Variants in A1CF observed in about 807,000 individuals in gnomAD.
A1CF encodes the protein APOBEC-1 stimulating protein.
Under a neutral mutation model 68.9 loss-of-function variants are expected in A1CF, and 48 were observed. The observed-to-expected ratio is 0.70, with a 90% CI of 0.55 to 0.89. The LOEUF (loss-of-function observed/expected upper bound fraction) is 0.89, where lower values mean the gene tolerates loss of function less well. Among genes scored for constraint, A1CF ranks in the 40% least tolerant of loss-of-function variants. The probability of loss-of-function intolerance (pLI) is 0.00; values close to 1 mark genes in which losing one functional copy is unlikely to be tolerated. For missense variants in A1CF, 653 were observed against 718.9 expected, an observed-to-expected ratio of 0.91 and a Z score of 1.05; for synonymous variants, 272 against 260.4, an observed-to-expected ratio of 1.04 and a Z score of -0.43.
chr10:50,864,953 CT>C (rs1457934630), intron 1 of A1CF, among the ~76,000 whole-genome samples: 2 of 152,074 alleles, frequency 1.3e-5, no homozygotes, highest in East Asian at 3.9e-4. Flanking sequence ...TCTTCTTCCA[CT>C]TTCACCCTAG....
rs1175750124 is a variant in A1CF at position 50,803,311 on chromosome 10, C to G, written c.*3418G>C. 6.6e-6 allele frequency: 1 copy of G among 152,366 alleles called. No individual in the cohort carries two copies. The highest frequency in any genetic ancestry group is 2.4e-5 in the African/African-American group (1 of 41,358). The allele number at this position is 152,366 out of a possible 1,614,324, so 9.4% of individuals were successfully genotyped here. A position where few individuals can be genotyped will look rare whatever the true frequency, so the allele number is the denominator to read the frequency against. On this transcript the variant is annotated 3_prime_UTR_variant, in exon 13 of 13. Transcript: ENST00000373997. ...AGAGGCGGAGTCTCTCCATGTTGCCCAGGCTGGTCTTGAACTCCTGGCCTC... is the reference window on the plus strand; with the variant it reads ...AGAGGCGGAGTCTCTCCATGTTGCCGAGGCTGGTCTTGAACTCCTGGCCTC...
intron 1 of A1CF, among the ~76,000 whole-genome samples, chr10:50,884,555 A>T (rs1841921104): frequency 6.6e-6 from 1 of 152,226 alleles, no homozygotes. Context: ...TTCAGAGCAG[A>T]CCAACACATT....
intron 7 of A1CF, among the ~76,000 whole-genome samples, chr10:50,821,557 C>T (rs561606940): frequency 5.4e-4 from 80 of 149,360 alleles, no homozygotes; most frequent in Non-Finnish European, 8.0e-4. Context: ...TTTTTTCAGA[C>T]GGAGTTTTGC....
At chr10:50,883,785 C>T (rs900900909) in intron 1 of A1CF, among the ~76,000 whole-genome samples, 2 of 152,252 alleles carry the variant, frequency 1.3e-5, no homozygotes, top group South Asian at 2.1e-4. Flanking sequence ...AGTGCTCGAG[C>T]GTATGATATA....
intron 3 of A1CF, 90 bp downstream of exon 3, chr10:50,859,752 A>T: frequency 9.0e-7 from 1 of 1,105,304 alleles, no homozygotes; most frequent in East Asian, 2.4e-5. Context: ...TATGTAACTG[A>T]CCATTCCCAT....
chr10:50,878,662 T>C (rs1347775148), intron 1 of A1CF, among the ~76,000 whole-genome samples: 1 of 152,228 alleles, frequency 6.6e-6, no homozygotes, highest in Admixed American at 6.5e-5. Context: ...AAGGATTTGA[T>C]TTTACGGCTT....
chr10:50,847,571 G>T (rs1017784130), intron 3 of A1CF, among the ~76,000 whole-genome samples: 3 of 152,260 alleles, frequency 2.0e-5, no homozygotes, highest in African/African-American at 7.2e-5. Flanking sequence ...CATGAAGATT[G>T]AATGAACTGA....
intron 9 of A1CF, among the ~76,000 whole-genome samples, chr10:50,814,935 A>G (rs1309712666): frequency 6.6e-6 from 1 of 152,184 alleles, no homozygotes. Flanking sequence ...TGATTATTTC[A>G]TTTGCATTAC....
intron 1 of A1CF, among the ~76,000 whole-genome samples, chr10:50,879,654 G>C (rs1197782846): frequency 1.3e-5 from 2 of 152,098 alleles, no homozygotes; most frequent in African/African-American, 4.8e-5. Flanking sequence ...AAAACCACCA[G>C]GTCTCATGAG....
rs1324456430 is a variant in A1CF at position 50,800,742 on chromosome 10, GA to G, written c.*5986del. On this transcript the variant is annotated 3_prime_UTR_variant, in exon 13 of 13. Transcript: ENST00000373997. ...GAAAAAGGGAAATTTTATGAAAAAG[GA>G]AAATAATCTCTCAATGTTATTTTCC... 7.9e-5 allele frequency: 12 copies of G among 151,962 alleles called. No homozygotes were observed. The highest frequency in any genetic ancestry group is 2.9e-4 in the African/African-American group (12 of 41,358). The allele number at this position is 151,962 out of a possible 1,614,324, so 9.4% of individuals were successfully genotyped here.
intron 8 of A1CF, 57 bp downstream of exon 8, chr10:50,820,495 A>C: frequency 6.7e-7 from 1 of 1,488,432 alleles, no homozygotes; most frequent in South Asian, 1.2e-5. Context: ...TTTTGGATGT[A>C]ATATCCACAC....
chr10:50,842,254 G>A (rs1198303144), intron 4 of A1CF, among the ~76,000 whole-genome samples: 3 of 152,232 alleles, frequency 2.0e-5, no homozygotes. Flanking sequence ...TTAACAGAAT[G>A]TGTTTTTGGT....
At chr10:50,880,586 C>G (rs1201303513) in intron 1 of A1CF, among the ~76,000 whole-genome samples, 1 of 152,108 alleles carries the variant, frequency 6.6e-6, no homozygotes, top group Non-Finnish European at 1.5e-5. Flanking sequence ...AGTTTTCCCC[C>G]CATGGAACCT....
chr10:50,814,878 A>G (rs1182860290), intron 9 of A1CF, among the ~76,000 whole-genome samples: 1 of 152,214 alleles, frequency 6.6e-6, no homozygotes, highest in African/African-American at 2.4e-5. Context: ...TAATGTTGCA[A>G]TGATATAATT....
intron 1 of A1CF, among the ~76,000 whole-genome samples, chr10:50,869,426 G>T (rs1841148054): frequency 6.6e-6 from 1 of 152,066 alleles, no homozygotes; most frequent in African/African-American, 2.4e-5. Flanking sequence ...CCAATGCAGA[G>T]AAAAATTCAA....
chr10:50,826,534 C>T (rs1030456365), intron 7 of A1CF, among the ~76,000 whole-genome samples: 1 of 152,054 alleles, frequency 6.6e-6, no homozygotes, highest in Non-Finnish European at 1.5e-5. Context: ...CCAAACTAAG[C>T]TTCATAAGCA....
Position 50,806,561 on chromosome 10 carries a change from G to A in A1CF, c.*168C>T, listed in dbSNP as rs1405287739. The stretch of plus-strand genomic sequence containing the variant: ...ACATTTGATTTCATTTCAGAATAAC[G>A]TTCTTACTTCATGATTCTATAATTG... On this transcript the variant is annotated 3_prime_UTR_variant, in exon 13 of 13. Coordinates refer to ENST00000373997, the MANE Select transcript of A1CF (RefSeq NM_014576.4). The A allele has an allele frequency of 1.2e-5, 6 of 507,702 alleles. No individual in the cohort carries two copies. Among genetic ancestry groups the A allele is most frequent in the South Asian group, 8.0e-5 (1 of 12,504 alleles). The allele number at this position is 507,702 out of a possible 1,614,324, so 31.4% of individuals were successfully genotyped here.
chr10:50,862,069 A>G (rs1840772669), intron 2 of A1CF, among the ~76,000 whole-genome samples: 1 of 152,024 alleles, frequency 6.6e-6, no homozygotes, highest in South Asian at 2.1e-4. Flanking sequence ...AGCATCATTT[A>G]GAAAGTGATA....
rs1471531293 is a variant in A1CF at position 50,802,519 on chromosome 10, TC to T, written c.*4209del. On this transcript the variant is annotated 3_prime_UTR_variant, in exon 13 of 13. Coordinates refer to ENST00000373997, the MANE Select transcript of A1CF (RefSeq NM_014576.4). The stretch of plus-strand genomic sequence containing the variant: ...TGTATTTACAATATATGAAAGTGTA[TC>T]TACAATACATAAAAAGTGCCAAGTT... 1 of 152,208 alleles carries T rather than the reference TC, an allele frequency of 6.6e-6. No homozygotes were observed. The highest frequency in any genetic ancestry group is 2.4e-5 in the African/African-American group (1 of 41,462). 9.4% of individuals were successfully genotyped at this position (152,208 alleles called of 1,614,324 possible).
Sources: gnomAD v4.1 joint callset for allele counts (sites outside exome capture counted in the v4.1 genomes callset) on GRCh38, gnomAD v4.1.1 for gene constraint, MANE v1.5 for transcripts, NCBI Gene and HGNC (gene_info 2026-07-23, HGNC 2026-07-21) for gene names.